Variants in FOXI3 observed in about 807,000 individuals in gnomAD.
FOXI3 encodes the protein forkhead box protein I3.
A neutral mutation model predicts 15.6 loss-of-function variants in FOXI3; 4 were observed. The observed-to-expected ratio is 0.26, with a 90% confidence interval of 0.13 to 0.59. FOXI3 has a LOEUF of 0.59. Among genes scored for constraint, FOXI3 ranks in the 20% least tolerant of loss-of-function variants. The probability of loss-of-function intolerance (pLI) is 0.90; values close to 1 mark genes in which losing one functional copy is unlikely to be tolerated. For synonymous variants in FOXI3, 238 were observed against 244.4 expected, an observed-to-expected ratio of 0.97 and a Z score of 0.25; for missense variants, 489 against 548.2, an observed-to-expected ratio of 0.89 and a Z score of 1.08.
At position 88,448,700 on chromosome 2, in the gene FOXI3, G is replaced by A; in HGVS notation, c.770C>T (p.Ser257Phe). 6.4e-7 allele frequency: 1 copy of A among 1,551,830 alleles called. No homozygotes were observed. Among genetic ancestry groups the A allele is most frequent in the East Asian group, 2.4e-5 (1 of 40,912 alleles). ...GSTVAAGTSKSEEGLSSGLGS... is the reference protein window; with the variant it reads ...GSTVAAGTSKFEEGLSSGLGS... Reference sequence around the variant, plus strand: ...CAATCCTGAGGAGAGCCCTTCTTCGGACTTTGATGTCCCAGCAGCCACTGT... The same window carrying A: ...CAATCCTGAGGAGAGCCCTTCTTCGAACTTTGATGTCCCAGCAGCCACTGT... Residue 257 changes from serine (S) to phenylalanine (F), a missense_variant, in exon 2 of 2, where the codon TCC becomes TTC. Around this residue, in one of 3 missense-constraint regions of FOXI3, gnomAD observed 263 missense variants for 285.5 expected, o/e 0.92. Transcript: ENST00000428390.
At chr2:88,449,311 A>T (rs1407090087) in intron 1 of FOXI3, among the ~76,000 whole-genome samples, 1 of 152,134 alleles carries the variant, frequency 6.6e-6, no homozygotes, top group Admixed American at 6.6e-5. Flanking sequence ...GACTGTGAGG[A>T]TTAACTATTT....
Sources: allele counts gnomAD v4.1 joint callset (sites outside exome capture counted in the v4.1 genomes callset), GRCh38; gene constraint gnomAD v4.1.1; regional missense constraint gnomAD v4.1.1; transcripts MANE v1.5; gene names NCBI Gene and HGNC (gene_info 2026-07-23, HGNC 2026-07-21).